Variants in CACNA1B observed in about 807,000 individuals in gnomAD.
The protein encoded by CACNA1B is calcium voltage-gated channel subunit alpha1 B.
Under a neutral mutation model 247.2 loss-of-function variants are expected in CACNA1B, and 70 were observed. The ratio of observed to expected loss-of-function variants is 0.28; its 90% confidence interval spans 0.23 to 0.35. The LOEUF is 0.35. Ranked by LOEUF, CACNA1B falls within the 10% of genes least tolerant of loss-of-function variation. The probability of loss-of-function intolerance (pLI) is 1.00; values close to 1 mark genes in which losing one functional copy is unlikely to be tolerated. For synonymous variants in CACNA1B, 1,231 were observed against 1,294.4 expected (o/e 0.95, Z 1.05); for missense variants, 2,367 against 3,197.4 (o/e 0.74, Z 6.26).
chr9:137,957,547 G>A lies in CACNA1B; in HGVS notation c.1244-51G>A, dbSNP rs761756391. ...GATCCCATGCCCCGCTGAGGCAGGTGGCCTGAGGGCTGCAGCTCAGGCAGT... is the reference window on the plus strand; with the variant it reads ...GATCCCATGCCCCGCTGAGGCAGGTAGCCTGAGGGCTGCAGCTCAGGCAGT... On this transcript the variant is annotated intron_variant, in intron 9 of 46. Coordinates refer to ENST00000371372, the MANE Select transcript of CACNA1B (RefSeq NM_000718.4). The surrounding 1 kb of genome is among the most constrained non-coding windows in gnomAD (Gnocchi z 4.7). 1.5e-6 allele frequency: 2 copies of A among 1,376,608 alleles called. No individual in the cohort carries two copies. Among genetic ancestry groups the A allele is most frequent in the South Asian group, 1.4e-5 (1 of 73,394 alleles). 85.3% of individuals were successfully genotyped at this position (1,376,608 alleles called of 1,614,324 possible).
intron 20 of CACNA1B, chr9:138,040,531 C>T (rs1418625390): frequency 1.7e-5 from 7 of 421,776 alleles, no homozygotes; most frequent in Admixed American, 1.3e-4. Context: ...TAAGTATTAA[C>T]TTACATGATC....
rs1007347848 is a variant in CACNA1B, at chr9:137,955,621, T to C, written c.1071-77T>C. On this transcript the variant is annotated intron_variant, in intron 7 of 46. Transcript: ENST00000371372. The surrounding 1 kb of genome is among the most constrained non-coding windows in gnomAD (Gnocchi z 6.9). ...GTCTCCTGTCCCAGGCTTTCCCTGG[T>C]CCTTTTTGTCTCTGGGGCTGCACAC... 2 of 957,246 alleles carry C rather than the reference T, an allele frequency of 2.1e-6. No homozygotes were observed. The highest frequency in any genetic ancestry group is 2.5e-5 in the Admixed American group (1 of 40,418). The allele number at this position is 957,246 out of a possible 1,614,324, so 59.3% of individuals were successfully genotyped here.
chr9:137,967,446 G>A (rs567993700), intron 10 of CACNA1B, among the ~76,000 whole-genome samples: 4 of 152,218 alleles, frequency 2.6e-5, no homozygotes, highest in East Asian at 3.9e-4. Context: ...TATCATTCCC[G>A]TGGCCCGCTC....
At chr9:138,065,196 C>G (rs1481978367) in intron 31 of CACNA1B, among the ~76,000 whole-genome samples, 1 of 152,184 alleles carries the variant, frequency 6.6e-6, no homozygotes, top group East Asian at 1.9e-4. Flanking sequence ...GCCTGTCTTC[C>G]AGCCATCCTC....
chr9:138,067,279 A>G (rs919482955), intron 31 of CACNA1B, among the ~76,000 whole-genome samples: 4 of 152,262 alleles, frequency 2.6e-5, no homozygotes, highest in African/African-American at 9.6e-5. Flanking sequence ...GGTCTTATAC[A>G]TTAGGTTTCT....
chr9:137,971,344 A>G lies in CACNA1B; in HGVS notation c.1334-39A>G. On this transcript the variant is annotated intron_variant, in intron 10 of 46. Transcript: ENST00000371372. The surrounding 1 kb of genome is among the most constrained non-coding windows in gnomAD (Gnocchi z 4.4). ...CCACAGGTGGGGTAGGCGGGTGCCC[A>G]TTGGTCCCCACATCCTCAGTAACTC... is the stretch of plus-strand genomic sequence containing the variant. 1 of 1,502,682 alleles carries G rather than the reference A, an allele frequency of 6.7e-7. No homozygotes were observed. Among genetic ancestry groups the G allele is most frequent in the African/African-American group, 1.4e-5 (1 of 72,400 alleles). The allele number at this position is 1,502,682 out of a possible 1,614,324, so 93.1% of individuals were successfully genotyped here. A position where few individuals can be genotyped will look rare whatever the true frequency, so the allele number is the denominator to read the frequency against.
rs978511615 is a variant in CACNA1B, at chr9:138,121,009, C to T, written c.6489+128C>T. 9.0e-7 allele frequency: 1 copy of T among 1,107,038 alleles called. No individual in the cohort carries two copies. The highest frequency in any genetic ancestry group is 2.9e-5 in the Admixed American group (1 of 34,680). The allele number at this position is 1,107,038 out of a possible 1,614,324, so 68.6% of individuals were successfully genotyped here. A position where few individuals can be genotyped will look rare whatever the true frequency, so the allele number is the denominator to read the frequency against. Reference sequence around the variant, plus strand: ...TTTGTCATTCCCAGCAACCCAAGGGCCGGGCGCTCCCCTCTGTGCCCTGTC... The same window carrying T: ...TTTGTCATTCCCAGCAACCCAAGGGTCGGGCGCTCCCCTCTGTGCCCTGTC... On this transcript the variant is annotated intron_variant, in intron 46 of 46. Coordinates refer to ENST00000371372, the MANE Select transcript of CACNA1B (RefSeq NM_000718.4). The surrounding 1 kb of genome is among the most constrained non-coding windows in gnomAD (Gnocchi z 6.8).
intron 6 of CACNA1B, among the ~76,000 whole-genome samples, chr9:137,936,837 G>C (rs181409522): frequency 6.6e-6 from 1 of 152,284 alleles, no homozygotes; most frequent in African/African-American, 2.4e-5. Flanking sequence ...CCATTGGTCT[G>C]TATCTCTGTT....
chr9:138,021,578 G>A (rs548196190), intron 18 of CACNA1B, among the ~76,000 whole-genome samples: 5 of 152,378 alleles, frequency 3.3e-5, no homozygotes, highest in East Asian at 3.9e-4. Context: ...TCTGCAGGCC[G>A]TGGTTGTAGC....
chr9:138,036,649 TC>T (rs1287094790), intron 20 of CACNA1B, among the ~76,000 whole-genome samples: 1 of 152,228 alleles, frequency 6.6e-6, no homozygotes, highest in East Asian at 1.9e-4. Flanking sequence ...AAATTTTTTT[TC>T]CTATGTATGA....
At chr9:138,044,755 G>C (rs543688439) in intron 21 of CACNA1B, among the ~76,000 whole-genome samples, 1 of 152,196 alleles carries the variant, frequency 6.6e-6, no homozygotes. Flanking sequence ...GTTCGTTACC[G>C]ATCTGCCCAT....
At position 138,057,781 on chromosome 9, in the gene CACNA1B, C is replaced by A; in HGVS notation, c.4018C>A (p.Gln1340Lys). The A allele has an allele frequency of 6.2e-7, 1 of 1,612,588 alleles. No homozygotes were observed. The highest frequency in any genetic ancestry group is 2.2e-5 in the East Asian group (1 of 44,856). The change falls in exon 27 of 47, where the codon CAG (glutamine) becomes AAG (lysine). Residue 1340 changes from glutamine to lysine, a missense_variant. Physicochemically the swap from Gln to Lys is moderately conservative, Grantham distance 53. This residue lies in a region of CACNA1B where 436 missense variants were observed against 679.5 expected (regional missense o/e 0.64). Transcript: ENST00000371372. The surrounding 1 kb of genome is among the most constrained non-coding windows in gnomAD (Gnocchi z 4.0). ...EKEEVEAQPRQWKKYDFHYDN... is the reference protein window; with the variant it reads ...EKEEVEAQPRKWKKYDFHYDN... The stretch of plus-strand genomic sequence containing the variant: ...GGAGGAAGTGGAAGCTCAGCCCAGG[C>A]AGTGGAAGAAATACGACTTTCACTA...
Position 137,957,503 on chromosome 9 carries a change from C to T in CACNA1B, c.1244-95C>T. On this transcript the variant is annotated intron_variant, in intron 9 of 46. Transcript: ENST00000371372. The surrounding 1 kb of genome is among the most constrained non-coding windows in gnomAD (Gnocchi z 4.7). Reference sequence around the variant, plus strand: ...CAGGACAGGAGCTCAGGAGAGGTCACTGGTCCCAGGGGGAGGGTGATCCCA... The same window carrying T: ...CAGGACAGGAGCTCAGGAGAGGTCATTGGTCCCAGGGGGAGGGTGATCCCA... 1.2e-6 allele frequency: 1 copy of T among 859,644 alleles called. No individual in the cohort carries two copies. Among genetic ancestry groups the T allele is most frequent in the East Asian group, 3.0e-5 (1 of 33,898 alleles). 53.3% of individuals were successfully genotyped at this position (859,644 alleles called of 1,614,324 possible). A position where few individuals can be genotyped will look rare whatever the true frequency, so the allele number is the denominator to read the frequency against.
intron 31 of CACNA1B, among the ~76,000 whole-genome samples, chr9:138,066,189 G>C (rs1959908481): frequency 6.6e-6 from 1 of 152,258 alleles, no homozygotes; most frequent in Non-Finnish European, 1.5e-5. Context: ...GGGTAGTGTG[G>C]ATGCCACATC....
In CACNA1B at chr9:137,913,510, A is replaced by G. The variant is rs952371650; in HGVS notation, c.622+239A>G. Among the ~76,000 whole-genome samples the G allele has an allele frequency of 3.3e-5, 5 of 152,282 alleles. No homozygotes were observed. Among genetic ancestry groups the G allele is most frequent in the South Asian group, 2.1e-4 (1 of 4,820 alleles). ...CCCTGACCTGGCTTCCCTAGATGGAAGCTTTGTTCCTCCTCACATACTCTG... is the reference window on the plus strand; with the variant it reads ...CCCTGACCTGGCTTCCCTAGATGGAGGCTTTGTTCCTCCTCACATACTCTG... On this transcript the variant is annotated intron_variant, in intron 4 of 46. Transcript: ENST00000371372. The surrounding 1 kb of genome is among the most constrained non-coding windows in gnomAD (Gnocchi z 5.2).
At chr9:138,063,314 G>A (rs1164062120) in intron 31 of CACNA1B, among the ~76,000 whole-genome samples, 16 of 152,152 alleles carry the variant, frequency 1.1e-4, no homozygotes, top group Admixed American at 9.2e-4. Flanking sequence ...GCAAGACGGC[G>A]AGACCCTGTC....
chr9:137,882,640 A>G lies in CACNA1B; in HGVS notation c.391-104A>G. 1 of 1,332,782 alleles carries G rather than the reference A, an allele frequency of 7.5e-7. No homozygotes were observed. The highest frequency in any genetic ancestry group is 1.3e-5 in the South Asian group (1 of 76,904). The allele number at this position is 1,332,782 out of a possible 1,614,324, so 82.6% of individuals were successfully genotyped here. A position where few individuals can be genotyped will look rare whatever the true frequency, so the allele number is the denominator to read the frequency against. On this transcript the variant is annotated intron_variant, in intron 2 of 46. Transcript: ENST00000371372. The surrounding 1 kb of genome is among the most constrained non-coding windows in gnomAD (Gnocchi z 4.0). The stretch of plus-strand genomic sequence containing the variant: ...GTGAGGAGGGTCAGACCCTCACGAT[A>G]GCTGTGGCCTGCACATGGTGGGGTG...
At chr9:138,071,868 A>C (rs1010895335) in intron 32 of CACNA1B, among the ~76,000 whole-genome samples, 1 of 151,868 alleles carries the variant, frequency 6.6e-6, no homozygotes, top group African/African-American at 2.4e-5. Flanking sequence ...AGACCCCCTG[A>C]GCACAAGGTT....
intron 6 of CACNA1B, among the ~76,000 whole-genome samples, chr9:137,945,763 G>A (rs1342322097): frequency 1.3e-5 from 2 of 152,072 alleles, no homozygotes; most frequent in South Asian, 2.1e-4. Context: ...TCTTTTTCAC[G>A]ACTTACCCAG....
Sources: gnomAD v4.1 joint callset for allele counts (sites outside exome capture counted in the v4.1 genomes callset) on GRCh38, gnomAD v4.1.1 for gene constraint, gnomAD v4.1.1 regional missense constraint, Gnocchi (gnomAD v3.1) non-coding constraint, MANE v1.5 for transcripts, NCBI Gene and HGNC (gene_info 2026-07-23, HGNC 2026-07-21) for gene names.